SACS: variants seen among roughly 807,000 people sequenced by gnomAD.
SACS encodes sacsin.
SACS carries 197 observed loss-of-function variants against 348.0 expected under a neutral mutation model. The observed-to-expected ratio is 0.57, with a 90% CI of 0.50 to 0.64. The LOEUF is 0.64. Among genes scored for constraint, SACS ranks in the 30% least tolerant of loss-of-function variants. The pLI, the probability that SACS is intolerant of heterozygous loss-of-function variation, is 0.00. For missense variants in SACS, 4,999 were observed against 5,360.8 expected (o/e 0.93, Z 2.11); for synonymous variants, 1,985 against 1,910.6 (o/e 1.04, Z -1.02).
Position 23,333,999 on chromosome 13 carries a change from G to A in SACS, c.9877C>T (p.Leu3293Phe), listed in dbSNP as rs1883662677. 5 of 1,613,874 alleles carry A rather than the reference G, an allele frequency of 3.1e-6. No homozygotes were observed. Among genetic ancestry groups the A allele is most frequent in the Non-Finnish European group, 4.2e-6 (5 of 1,179,830 alleles). The change falls in exon 10 of 10, where the codon CTT becomes TTT. Residue 3293 changes from leucine to phenylalanine, a missense_variant. Physicochemically the swap from Leu to Phe is conservative, Grantham distance 22. Around this residue, in one of 6 missense-constraint regions of SACS, gnomAD observed 734 missense variants for 694.0 expected, o/e 1.06. Coordinates refer to ENST00000382292, the MANE Select transcript of SACS (RefSeq NM_014363.6). ...GTKFTVSANQ[L>F]VVPEGDVLLP... ...AGAACATCTCCTTCAGGAACCACAA[G>A]CTGGTTGGCTGAAACAGTAAACTTT... is the stretch of plus-strand genomic sequence containing the variant.
chr13:23,394,877 T>A (rs761290550), intron 2 of SACS, among the ~76,000 whole-genome samples: 3 of 152,154 alleles, frequency 2.0e-5, no homozygotes, highest in Non-Finnish European at 4.4e-5. Flanking sequence ...AGATTCGTCA[T>A]TGGACTCCTG....
intron 2 of SACS, among the ~76,000 whole-genome samples, chr13:23,408,403 C>T (rs895860647): frequency 1.3e-5 from 2 of 152,224 alleles, no homozygotes; most frequent in Admixed American, 6.5e-5. Context: ...CAGCTTTCAA[C>T]AAATGAGATT....
In SACS at chr13:23,341,416, G is replaced by C. The variant is rs761330691; in HGVS notation, c.2460C>G (p.Leu820=). Residue 820 remains leucine, a synonymous_variant, in exon 10 of 10, where the codon CTC becomes CTG. Coordinates refer to ENST00000382292, the MANE Select transcript of SACS (RefSeq NM_014363.6). Reference sequence around the variant, plus strand: ...CTAAAATGACTAACGATGGAATCCTGAGTCTAATGAGTTCCACACATGTCT... The same window carrying C: ...CTAAAATGACTAACGATGGAATCCTCAGTCTAATGAGTTCCACACATGTCT... ...EGQTCVELIR[L]RIPSLVILDD... is the part of the protein sequence containing the mutation. 1 of 1,613,064 alleles carries C rather than the reference G, an allele frequency of 6.2e-7. No individual in the cohort carries two copies. Among genetic ancestry groups the C allele is most frequent in the Non-Finnish European group, 8.5e-7 (1 of 1,179,476 alleles).
intron 1 of SACS, among the ~76,000 whole-genome samples, chr13:23,422,786 GT>G (rs199933519): frequency 0.028 from 4,218 of 151,990 alleles, 85 homozygotes; most frequent in African/African-American, 0.05. Flanking sequence ...AGCCTTTGGT[GT>G]TTCATATAAC....
Position 23,336,801 on chromosome 13 carries a change from C to A in SACS, c.7075G>T (p.Val2359Phe). 6.2e-7 allele frequency: 1 copy of A among 1,613,660 alleles called. No homozygotes were observed. Among genetic ancestry groups the A allele is most frequent in the Non-Finnish European group, 8.5e-7 (1 of 1,179,732 alleles). Residue 2359 changes from valine to phenylalanine, a missense_variant, in exon 10 of 10, where the codon GTT (valine) becomes TTT (phenylalanine). Around this residue, in one of 6 missense-constraint regions of SACS, gnomAD observed 3,156 missense variants for 3,380.1 expected, o/e 0.93. Transcript: ENST00000382292. ...GCCTCAAAATTTAAATGAAAAGAAA[C>A]CTTTTCTGAGTCAACATATGCATTC... The part of the protein sequence containing the change: ...VENAYVDSEK[V>F]SFHLNFEAAP...
At chr13:23,384,908 G>T (rs542644689) in intron 2 of SACS, among the ~76,000 whole-genome samples, 27 of 152,208 alleles carry the variant, frequency 1.8e-4, no homozygotes, top group African/African-American at 6.3e-4. Context: ...GCAGATAAAA[G>T]TTATGTTTAT....
intron 6 of SACS, among the ~76,000 whole-genome samples, chr13:23,364,390 C>T (rs1870932811): frequency 6.6e-6 from 1 of 152,172 alleles, no homozygotes. Flanking sequence ...AAGCGATTCT[C>T]CGGCCTCAGC....
intron 2 of SACS, among the ~76,000 whole-genome samples, chr13:23,376,083 A>C (rs1011752896): frequency 6.6e-6 from 1 of 152,148 alleles, no homozygotes; most frequent in Non-Finnish European, 1.5e-5. Flanking sequence ...TCAGTGGCTC[A>C]GTTTGCTGGA....
chr13:23,330,832 G>A lies in SACS; in HGVS notation c.13044C>T (p.Ala4348=). ...TCTGCAAATGTTTAAAAACTTCATT[G>A]GCAATGTCATGGTTCTCTGGATTTT... ...PDKNPENHDI[A]NEVFKHLQNE... Residue 4348 remains alanine (A), a synonymous_variant, in exon 10 of 10, where the codon GCC becomes GCT. Coordinates refer to ENST00000382292, the MANE Select transcript of SACS (RefSeq NM_014363.6). 1 of 1,613,954 alleles carries A rather than the reference G, an allele frequency of 6.2e-7. No homozygotes were observed. Among genetic ancestry groups the A allele is most frequent in the Non-Finnish European group, 8.5e-7 (1 of 1,179,952 alleles).
Position 23,338,305 on chromosome 13 carries a change from C to T in SACS, c.5571G>A (p.Gln1857=). The part of the protein sequence containing the change: ...GAVGVQLSEI[Q]DQKWTVKPHI... ...GTGGTTTCACTGTCCACTTCTGGTC[C>T]TGGATTTCTGACAGCTGAACTCCTA... The change falls in exon 10 of 10, where the codon CAG becomes CAA. Residue 1857 remains glutamine (Q), a synonymous_variant. Transcript: ENST00000382292. The T allele has an allele frequency of 6.2e-7, 1 of 1,614,136 alleles. No individual in the cohort carries two copies. Among genetic ancestry groups the T allele is most frequent in the Non-Finnish European group, 8.5e-7 (1 of 1,180,010 alleles).
intron 7 of SACS, 68 bp from the exon 8 acceptor site, chr13:23,356,075 TAAATATA>T: frequency 5.3e-6 from 7 of 1,318,370 alleles, no homozygotes; most frequent in Non-Finnish European, 7.4e-6. Context: ...ACAATTATAA[TAAATATA>T]TGAAAAAGCA....
chr13:23,331,798 A>T lies in SACS; in HGVS notation c.12078T>A (p.Ala4026=), dbSNP rs1259730258. The change falls in exon 10 of 10, where the codon GCT becomes GCA. Residue 4026 remains alanine, a synonymous_variant. Transcript: ENST00000382292. ...TGGCTTTTTCTTCATTGGCCAGAAA[A>T]GCATTATCATTTTCATGCTTCATAA... ...IRIMKHENDN[A]FLANEEKAIR... is the part of the protein sequence containing the mutation. 2.5e-6 allele frequency: 4 copies of T among 1,614,020 alleles called. No individual in the cohort carries two copies. The highest frequency in any genetic ancestry group is 3.4e-6 in the Non-Finnish European group (4 of 1,179,960).
Position 23,331,646 on chromosome 13 carries a change from T to G in SACS, c.12230A>C (p.Lys4077Thr). 6.2e-7 allele frequency: 1 copy of G among 1,613,956 alleles called. No homozygotes were observed. Among genetic ancestry groups the G allele is most frequent in the Non-Finnish European group, 8.5e-7 (1 of 1,179,934 alleles). Residue 4077 changes from lysine to threonine, a missense_variant, in exon 10 of 10, where the codon AAG becomes ACG. Coordinates refer to ENST00000382292, the MANE Select transcript of SACS (RefSeq NM_014363.6). The part of the protein sequence containing the change: ...HSRSETFAFL[K>T]RFGNAVILLY... Reference sequence around the variant, plus strand: ...CAAGATGACTGCATTACCAAATCGCTTCAAAAAAGCAAAAGTTTCACTTCT... The same window carrying G: ...CAAGATGACTGCATTACCAAATCGCGTCAAAAAAGCAAAAGTTTCACTTCT...
chr13:23,398,974 T>C (rs573322009), intron 2 of SACS, among the ~76,000 whole-genome samples: 4 of 135,844 alleles, frequency 2.9e-5, no homozygotes, highest in African/African-American at 1.1e-4. Flanking sequence ...TGAGCCGAGA[T>C]TGCGCCACTG....
chr13:23,352,582 A>C (rs1870032582), intron 9 of SACS, among the ~76,000 whole-genome samples: 3 of 152,190 alleles, frequency 2.0e-5, no homozygotes, highest in Admixed American at 2.0e-4. Flanking sequence ...TGATATGTGC[A>C]CTGTTCTATA....
At chr13:23,433,298 G>A (rs918951590) in intron 1 of SACS, among the ~76,000 whole-genome samples, 9 of 152,064 alleles carry the variant, frequency 5.9e-5, no homozygotes, top group African/African-American at 1.9e-4. Flanking sequence ...TCTTGACCGC[G>A]GCAGATCTCT....
chr13:23,337,100 G>A lies in SACS; in HGVS notation c.6776C>T (p.Pro2259Leu), dbSNP rs150098233. 4.3e-6 allele frequency: 7 copies of A among 1,613,826 alleles called. No homozygotes were observed. Among genetic ancestry groups the A allele is most frequent in the South Asian group, 1.1e-5 (1 of 91,066 alleles). ...AGAATGGGAATTTTCATTTAGAATTGGTTGCAAAAGACAAACTATATCTTG... is the reference window on the plus strand; with the variant it reads ...AGAATGGGAATTTTCATTTAGAATTAGTTGCAAAAGACAAACTATATCTTG... ...EHQDIVCLLQ[P>L]ILNENSHSFR... The change falls in exon 10 of 10, where the codon CCA becomes CTA. Residue 2259 changes from proline (P) to leucine (L), a missense_variant. This residue lies in a region of SACS where 3,156 missense variants were observed against 3,380.1 expected (regional missense o/e 0.93). Transcript: ENST00000382292.
chr13:23,403,677 A>G (rs1873080402), intron 2 of SACS, among the ~76,000 whole-genome samples: 1 of 151,824 alleles, frequency 6.6e-6, no homozygotes, highest in Non-Finnish European at 1.5e-5. Context: ...TATTTTGTTA[A>G]TCTTTTCAAA....
chr13:23,336,407 C>G lies in SACS; in HGVS notation c.7469G>C (p.Arg2490Thr). Residue 2490 changes from arginine (R) to threonine (T), a missense_variant, in exon 10 of 10, where the codon AGG becomes ACG. Physicochemically the swap from Arg to Thr is moderately conservative, Grantham distance 71. This residue lies in a region of SACS where 3,156 missense variants were observed against 3,380.1 expected (regional missense o/e 0.93). Coordinates refer to ENST00000382292, the MANE Select transcript of SACS (RefSeq NM_014363.6). ...TGCTCCTAGTTTTACTGCTACTTCC[C>G]TGGGTATGTCAGCATGACAATATTT... The part of the protein sequence containing the change: ...TVKYCHADIP[R>T]EVAVKLGAVP... 1 of 1,614,054 alleles carries G rather than the reference C, an allele frequency of 6.2e-7. No homozygotes were observed. Among genetic ancestry groups the G allele is most frequent in the South Asian group, 1.1e-5 (1 of 91,078 alleles).
Sources: allele counts gnomAD v4.1 joint callset (sites outside exome capture counted in the v4.1 genomes callset), GRCh38; gene constraint gnomAD v4.1.1; regional missense constraint gnomAD v4.1.1; transcripts MANE v1.5; gene names NCBI Gene and HGNC (gene_info 2026-07-23, HGNC 2026-07-21).